BRPF3: variants seen among roughly 807,000 people sequenced by gnomAD.
BRPF3 encodes bromodomain and PHD finger-containing protein 3.
A neutral mutation model predicts 102.0 loss-of-function variants in BRPF3; 18 were observed. The ratio of observed to expected loss-of-function variants is 0.18; its 90% CI spans 0.12 to 0.26. The LOEUF (loss-of-function observed/expected upper bound fraction) is 0.26. BRPF3 is among the 10% of genes least tolerant of loss of function. BRPF3 has a pLI of 1.00. For missense variants in BRPF3, 1,147 were observed against 1,567.8 expected, an observed-to-expected ratio of 0.73 and a Z score of 4.53; for synonymous variants, 570 against 614.2, an observed-to-expected ratio of 0.93 and a Z score of 1.06.
intron 8 of BRPF3, among the ~76,000 whole-genome samples, chr6:36,214,716 G>T (rs1768265190): frequency 6.6e-6 from 1 of 152,128 alleles, no homozygotes; most frequent in African/African-American, 2.4e-5. Context: ...TAGGCATTGG[G>T]GGAAAAAATC....
chr6:36,211,584 A>C, intron 7 of BRPF3, 24 bp downstream of exon 7: 1 of 1,545,598 alleles, frequency 6.5e-7, no homozygotes, highest in Non-Finnish European at 8.8e-7. Flanking sequence ...ACAGGCAGGC[A>C]GGGGGTTGGA....
In BRPF3 at chr6:36,210,042, A is replaced by G. The variant is rs549373959; in HGVS notation, c.1866+127A>G. On this transcript the variant is annotated intron_variant, in intron 5 of 12. Transcript: ENST00000357641. The surrounding 1 kb of genome is among the most constrained non-coding windows in gnomAD (Gnocchi z 4.7). ...GTAGGAGGGTGGGTCTGGCAAAGCT[A>G]GTAGACTTGCCCTTGATGAGGGGTC... 25 of 1,445,586 alleles carry G rather than the reference A, an allele frequency of 1.7e-5. No homozygotes were observed. In the African/African-American group the frequency reaches 2.8e-4, roughly 16 times the overall value. The allele number at this position is 1,445,586 out of a possible 1,614,324, so 89.5% of individuals were successfully genotyped here. A position where few individuals can be genotyped will look rare whatever the true frequency, so the allele number is the denominator to read the frequency against.
chr6:36,211,133 C>T, intron 6 of BRPF3, 125 bp from the exon 7 acceptor site: 1 of 1,113,148 alleles, frequency 9.0e-7, no homozygotes, highest in Non-Finnish European at 1.3e-6. Context: ...CACAGTGACG[C>T]TGCTGGAAGC....
intron 4 of BRPF3, among the ~76,000 whole-genome samples, chr6:36,208,922 A>G (rs754528928): frequency 6.6e-6 from 1 of 152,224 alleles, no homozygotes; most frequent in Non-Finnish European, 1.5e-5. Context: ...GCAAGCCTGG[A>G]GGCCCTGGTG....
intron 7 of BRPF3, among the ~76,000 whole-genome samples, chr6:36,211,909 C>T (rs1208920960): frequency 6.6e-6 from 1 of 152,156 alleles, no homozygotes; most frequent in Non-Finnish European, 1.5e-5. Context: ...TATTTTGCAC[C>T]TGATACAGCC....
In BRPF3 at chr6:36,210,750, T is replaced by A. The variant is rs1466307308; in HGVS notation, c.2179+222T>A. On this transcript the variant is annotated intron_variant, in intron 6 of 12. Transcript: ENST00000357641. The surrounding 1 kb of genome is among the most constrained non-coding windows in gnomAD (Gnocchi z 4.7). ...CTTCTTAAGTGGTAGAAAAGGGGAA[T>A]CAGGTACTAGTGGTCTGTTTGAAAA... Among the ~76,000 whole-genome samples the A allele has an allele frequency of 2.6e-5, 4 of 152,182 alleles. No homozygotes were observed. The highest frequency in any genetic ancestry group is 5.9e-5 in the Non-Finnish European group (4 of 68,032).
chr6:36,230,345 C>G lies in BRPF3; in HGVS notation c.3435-81C>G, dbSNP rs577289608. The G allele has an allele frequency of 1.4e-6, 2 of 1,458,766 alleles. No individual in the cohort carries two copies. The highest frequency in any genetic ancestry group is 1.8e-5 in the Admixed American group (1 of 55,714). The allele number at this position is 1,458,766 out of a possible 1,614,324, so 90.4% of individuals were successfully genotyped here. On this transcript the variant is annotated intron_variant, in intron 12 of 12. Transcript: ENST00000357641. This position sits in a 1 kb window ranked among gnomAD's most constrained non-coding sequence, Gnocchi z 5.4. ...GTACCCTCTCCCTGGCTTTGCTGGT[C>G]CTGGCCAAGTGGGGCCACAGGAGCC...
chr6:36,224,558 G>T (rs917422342), intron 10 of BRPF3, among the ~76,000 whole-genome samples: 2 of 152,188 alleles, frequency 1.3e-5, no homozygotes, highest in African/African-American at 4.8e-5. Context: ...GGCTAGGTGT[G>T]ACCCTGTCAG....
chr6:36,197,861 C>T (rs572827674), intron 1 of BRPF3, among the ~76,000 whole-genome samples: 13 of 152,248 alleles, frequency 8.5e-5, no homozygotes, highest in African/African-American at 3.1e-4. Context: ...CAAAACACGT[C>T]TGTGTAGAGT....
rs764356550 is a variant in BRPF3, at chr6:36,200,369, G to C, written c.47G>C (p.Arg16Pro). The C allele has an allele frequency of 8.7e-6, 14 of 1,614,186 alleles. No individual in the cohort carries two copies. In the South Asian group the frequency reaches 1.2e-4, roughly 14 times the overall value. The change falls in exon 2 of 13, where the codon CGT (arginine) becomes CCT (proline). Residue 16 changes from arginine (R) to proline (P), a missense_variant. Physicochemically the swap from Arg to Pro is moderately radical, Grantham distance 103. Around this residue, in one of 11 missense-constraint regions of BRPF3, gnomAD observed 38 missense variants for 34.3 expected, o/e 1.11. Transcript: ENST00000357641. This position sits in a 1 kb window ranked among gnomAD's most constrained non-coding sequence, Gnocchi z 5.3. ...RKSRQNAEGR[R>P]SPSPYSLKCS... ...TCCCGGCAGAATGCCGAGGGCCGGC[G>C]TTCCCCGTCCCCCTACAGTCTCAAG...
Position 36,204,739 on chromosome 6 carries a change from G to A in BRPF3, c.1530G>A (p.Lys510=). ...MQRLHNYWLL[K]RQARNGVPLI... is the part of the protein sequence containing the mutation. Reference sequence around the variant, plus strand: ...GGCTTCACAATTATTGGCTGTTGAAGCGGCAGGCACGGAATGGTGTCCCTC... The same window carrying A: ...GGCTTCACAATTATTGGCTGTTGAAACGGCAGGCACGGAATGGTGTCCCTC... The change falls in exon 3 of 13, where the codon AAG becomes AAA. Residue 510 remains lysine, a synonymous_variant. Coordinates refer to ENST00000357641, the MANE Select transcript of BRPF3 (RefSeq NM_015695.3). 1 of 1,614,216 alleles carries A rather than the reference G, an allele frequency of 6.2e-7. No individual in the cohort carries two copies. Among genetic ancestry groups the A allele is most frequent in the Non-Finnish European group, 8.5e-7 (1 of 1,180,036 alleles).
chr6:36,221,863 G>T (rs959407301), intron 9 of BRPF3, among the ~76,000 whole-genome samples: 8 of 152,190 alleles, frequency 5.3e-5, no homozygotes, highest in African/African-American at 1.9e-4. Context: ...ACGCTGGAAG[G>T]ATTGACAAAT....
intron 9 of BRPF3, among the ~76,000 whole-genome samples, chr6:36,218,523 G>A (rs1237507814): frequency 2.0e-5 from 3 of 148,004 alleles, no homozygotes; most frequent in African/African-American, 2.5e-5. Flanking sequence ...GCAGTGGCCC[G>A]ATCTCGGCTC....
At chr6:36,214,794 T>C (rs960414915) in intron 8 of BRPF3, among the ~76,000 whole-genome samples, 6 of 152,204 alleles carry the variant, frequency 3.9e-5, no homozygotes, top group Non-Finnish European at 5.9e-5. Flanking sequence ...GAGTAAACCG[T>C]ATCTTGTATT....
intron 11 of BRPF3, among the ~76,000 whole-genome samples, chr6:36,227,357 G>T (rs145424738): frequency 6.6e-6 from 1 of 151,960 alleles, no homozygotes; most frequent in Non-Finnish European, 1.5e-5. Context: ...ATTTTGTATC[G>T]TTCTATTTAT....
At chr6:36,209,364 C>T (rs1418470532) in intron 4 of BRPF3, among the ~76,000 whole-genome samples, 2 of 152,178 alleles carry the variant, frequency 1.3e-5, no homozygotes, top group Non-Finnish European at 2.9e-5. Flanking sequence ...TGACTTTAGG[C>T]CAGTTACTTA....
At chr6:36,199,038 C>T (rs1767602686) in intron 1 of BRPF3, among the ~76,000 whole-genome samples, 2 of 152,202 alleles carry the variant, frequency 1.3e-5, no homozygotes. Flanking sequence ...CTTGGAGCCA[C>T]TCTCAGAGCT....
intron 11 of BRPF3, among the ~76,000 whole-genome samples, chr6:36,226,517 A>T (rs1057047007): frequency 6.6e-6 from 1 of 151,916 alleles, no homozygotes; most frequent in Admixed American, 6.6e-5. Flanking sequence ...ATCAAATTAG[A>T]CTCTCTGAGG....
chr6:36,210,153 T>C lies in BRPF3; in HGVS notation c.1867-63T>C, dbSNP rs780016696. ...AAATTGAGGAGGCCAAGAGTATTGG[T>C]GAAGGGTGTGTCTGTTTGGCTAGTA... On this transcript the variant is annotated intron_variant, in intron 5 of 12. Transcript: ENST00000357641. This position sits in a 1 kb window ranked among gnomAD's most constrained non-coding sequence, Gnocchi z 4.7. The C allele has an allele frequency of 4.4e-6, 7 of 1,575,798 alleles. No individual in the cohort carries two copies. The Admixed American group carries it at 5.0e-5, about 11-fold the overall frequency.
Sources: allele counts gnomAD v4.1 joint callset (sites outside exome capture counted in the v4.1 genomes callset), GRCh38; gene constraint gnomAD v4.1.1; regional missense constraint gnomAD v4.1.1; non-coding constraint Gnocchi (gnomAD v3.1); transcripts MANE v1.5; gene names NCBI Gene and HGNC (gene_info 2026-07-23, HGNC 2026-07-21).